The following SLC4A10 variants were observed in gnomAD, a reference collection of about 807,000 sequenced individuals.
The protein encoded by SLC4A10 is solute carrier family 4 member 10, also known as sodium-driven chloride bicarbonate exchanger.
In SLC4A10, 42 loss-of-function variants were observed where a neutral mutation model predicts 137.7. The ratio of observed to expected loss-of-function variants is 0.30; its 90% CI spans 0.24 to 0.39. The LOEUF (loss-of-function observed/expected upper bound fraction) is 0.39. SLC4A10 is among the 10% of genes least tolerant of loss of function. The pLI, the probability that SLC4A10 is intolerant of heterozygous loss-of-function variation, is 1.00. For synonymous variants in SLC4A10, 474 were observed against 464.1 expected (o/e 1.02, Z -0.27); for missense variants, 925 against 1,355.0 (o/e 0.68, Z 4.98).
Position 161,667,015 on chromosome 2 carries a change from G to T in SLC4A10, c.48+42449G>T, listed in dbSNP as rs527817247. On this transcript the variant is annotated intron_variant, in intron 1 of 26. Transcript: ENST00000446997. ...AAAAATGATTTTTTGAGCTGTTGAGGTTGGAAAGAGTATCTATAATGAAAT... is the reference window on the plus strand; with the variant it reads ...AAAAATGATTTTTTGAGCTGTTGAGTTTGGAAAGAGTATCTATAATGAAAT... Among the ~76,000 whole-genome samples, 7 of 151,728 alleles carry T rather than the reference G, an allele frequency of 4.6e-5. No homozygotes were observed. In the South Asian group the frequency reaches 1.5e-3, roughly 31 times the overall value.
chr2:161,816,725 C>T (rs1184242913), intron 3 of SLC4A10, among the ~76,000 whole-genome samples: 9 of 148,608 alleles, frequency 6.1e-5, no homozygotes, highest in East Asian at 2.0e-4. Flanking sequence ...TGACAACATG[C>T]GGTGTTTGGT....
chr2:161,635,252 A>C (rs1012132774), intron 1 of SLC4A10, among the ~76,000 whole-genome samples: 3 of 151,776 alleles, frequency 2.0e-5, no homozygotes, highest in African/African-American at 7.3e-5. Flanking sequence ...TCTCATTGAA[A>C]CTCCCTCAAA....
chr2:161,653,751 T>C (rs751255436), intron 1 of SLC4A10, among the ~76,000 whole-genome samples: 8 of 152,364 alleles, frequency 5.3e-5, no homozygotes, highest in Non-Finnish European at 1.2e-4. Context: ...GAGTATTTCA[T>C]TGTATGTATA....
Position 161,636,844 on chromosome 2 carries a change from C to T in SLC4A10, c.48+12278C>T, listed in dbSNP as rs537987058. Among the ~76,000 whole-genome samples, 68 of 151,766 alleles carry T rather than the reference C, an allele frequency of 4.5e-4. 1 individual carries two copies. Among genetic ancestry groups the T allele is most frequent in the African/African-American group, 1.6e-3 (66 of 41,450 alleles). ...AGGCAGGACTACAAGTGTGCACTACCATGCCTGTCTAATTAATTTTTTTAT... is the reference window on the plus strand; with the variant it reads ...AGGCAGGACTACAAGTGTGCACTACTATGCCTGTCTAATTAATTTTTTTAT... On this transcript the variant is annotated intron_variant, in intron 1 of 26. Coordinates refer to ENST00000446997, the MANE Select transcript of SLC4A10 (RefSeq NM_001178015.2).
intron 15 of SLC4A10, among the ~76,000 whole-genome samples, chr2:161,934,247 C>G (rs944969899): frequency 1.4e-4 from 22 of 152,066 alleles, no homozygotes; most frequent in African/African-American, 5.3e-4. Flanking sequence ...TATCAAATAC[C>G]AGATCTTATT....
intron 1 of SLC4A10, among the ~76,000 whole-genome samples, chr2:161,629,820 C>T (rs2033183888): frequency 6.6e-6 from 1 of 151,764 alleles, no homozygotes; most frequent in African/African-American, 2.4e-5. Context: ...TTCAGATTGG[C>T]TTCTTTCATT....
At chr2:161,844,068 A>G (rs2059348256) in intron 4 of SLC4A10, among the ~76,000 whole-genome samples, 1 of 152,170 alleles carries the variant, frequency 6.6e-6, no homozygotes, top group Non-Finnish European at 1.5e-5. Context: ...TTATTAATAG[A>G]AAAGTGAGCA....
intron 15 of SLC4A10, among the ~76,000 whole-genome samples, chr2:161,934,930 T>A (rs1049509569): frequency 1.3e-5 from 2 of 152,202 alleles, no homozygotes. Flanking sequence ...TGCAGCTTTT[T>A]AGTTTGATGT....
At chr2:161,803,827 G>C (rs546458268) in intron 2 of SLC4A10, among the ~76,000 whole-genome samples, 85 of 152,112 alleles carry the variant, frequency 5.6e-4, no homozygotes, top group Non-Finnish European at 1.0e-3. Flanking sequence ...ACATACCTAT[G>C]ATAAAATTTA....
intron 20 of SLC4A10, among the ~76,000 whole-genome samples, chr2:161,957,835 T>C (rs1695936210): frequency 6.6e-6 from 1 of 152,196 alleles, no homozygotes; most frequent in Non-Finnish European, 1.5e-5. Flanking sequence ...TTCCAAGGTG[T>C]GTCAATTGCG....
intron 10 of SLC4A10, among the ~76,000 whole-genome samples, chr2:161,891,231 T>G (rs1302602501): frequency 6.6e-6 from 1 of 152,200 alleles, no homozygotes. Context: ...CTTAACATTT[T>G]TCCCTTCATT....
intron 23 of SLC4A10, among the ~76,000 whole-genome samples, 192 bp downstream of exon 23, chr2:161,965,365 TC>T: frequency 6.6e-6 from 1 of 152,186 alleles, no homozygotes; most frequent in Admixed American, 6.5e-5. Flanking sequence ...AGAATGAAGA[TC>T]TTATAGGAGG....
chr2:161,873,355 T>C (rs575721769), intron 7 of SLC4A10, among the ~76,000 whole-genome samples: 152 of 151,620 alleles, frequency 1.0e-3, no homozygotes, highest in African/African-American at 3.6e-3. Flanking sequence ...TATGGCAAAG[T>C]AACAATTGAG....
At chr2:161,908,130 CA>C (rs969353617) in intron 15 of SLC4A10, among the ~76,000 whole-genome samples, 1 of 151,066 alleles carries the variant, frequency 6.6e-6, no homozygotes. Context: ...AACCAATAGG[CA>C]AAAAATAAAT....
In SLC4A10 at chr2:161,817,049, C is replaced by T. The variant is rs1172370973; in HGVS notation, c.277+12454C>T. On this transcript the variant is annotated intron_variant, in intron 3 of 26. Transcript: ENST00000446997. ...TTCTAGTTCTAGATCCCTGAGGAATCGCCACACTGACTTTCACAATGATTG... is the reference window on the plus strand; with the variant it reads ...TTCTAGTTCTAGATCCCTGAGGAATTGCCACACTGACTTTCACAATGATTG... Among the ~76,000 whole-genome samples the T allele has an allele frequency of 5.3e-5, 8 of 152,150 alleles. No individual in the cohort carries two copies. In the South Asian group the frequency reaches 6.2e-4, roughly 12 times the overall value.
chr2:161,883,199 C>G (rs1000761960), intron 10 of SLC4A10, among the ~76,000 whole-genome samples: 6 of 152,188 alleles, frequency 3.9e-5, no homozygotes, highest in African/African-American at 1.4e-4. Context: ...GGCATTAAAT[C>G]AAAATTCAGT....
chr2:161,901,527 G>T (rs1683113646), intron 12 of SLC4A10, among the ~76,000 whole-genome samples: 1 of 152,092 alleles, frequency 6.6e-6, no homozygotes, highest in Non-Finnish European at 1.5e-5. Context: ...GTGCTTCATG[G>T]TTTTTTTGAC....
chr2:161,680,590 T>A (rs1174254797), intron 1 of SLC4A10, among the ~76,000 whole-genome samples: 3 of 152,058 alleles, frequency 2.0e-5, no homozygotes, highest in African/African-American at 7.2e-5. Context: ...TTAAGCTTGA[T>A]ATCGATGGCA....
chr2:161,641,573 T>C (rs1165247177), intron 1 of SLC4A10, among the ~76,000 whole-genome samples: 1 of 152,136 alleles, frequency 6.6e-6, no homozygotes, highest in Non-Finnish European at 1.5e-5. Flanking sequence ...TAGTAATTGT[T>C]TCACATTCAT....
Sources: allele counts gnomAD v4.1 joint callset (sites outside exome capture counted in the v4.1 genomes callset), GRCh38; gene constraint gnomAD v4.1.1; transcripts MANE v1.5; gene names NCBI Gene and HGNC (gene_info 2026-07-23, HGNC 2026-07-21).